The following ZRANB3 variants were observed in gnomAD, a reference collection of about 807,000 sequenced individuals.
ZRANB3 encodes zinc finger RANBP2-type containing 3, also known as DNA annealing helicase and endonuclease ZRANB3.
In ZRANB3, 125 loss-of-function variants were observed where a neutral mutation model predicts 133.8. That is an observed-to-expected ratio of 0.93 (90% confidence interval 0.81 to 1.08). ZRANB3 has a LOEUF of 1.08. ZRANB3 is among the 50% of genes least tolerant of loss of function. The pLI is 0.00. For synonymous variants in ZRANB3, 387 were observed against 432.7 expected (o/e 0.89, Z 1.31); for missense variants, 1,229 against 1,275.5 (o/e 0.96, Z 0.56).
intron 2 of ZRANB3, among the ~76,000 whole-genome samples, chr2:135,409,279 T>A (rs1688195224): frequency 6.6e-6 from 1 of 151,946 alleles, no homozygotes; most frequent in Non-Finnish European, 1.5e-5. Flanking sequence ...GATCCAAACA[T>A]CTCCCACCAG....
chr2:135,494,558 C>T (rs1224175401), intron 2 of ZRANB3, among the ~76,000 whole-genome samples: 2 of 152,112 alleles, frequency 1.3e-5, no homozygotes, highest in Non-Finnish European at 2.9e-5. Flanking sequence ...GTCATAATAT[C>T]TCATGTTAAT....
At chr2:135,335,832 C>T (rs1374338907) in intron 6 of ZRANB3, among the ~76,000 whole-genome samples, 2 of 152,094 alleles carry the variant, frequency 1.3e-5, no homozygotes, top group Non-Finnish European at 2.9e-5. Context: ...TATGTGTTCT[C>T]TTTTTCTATG....
chr2:135,263,365 G>A (rs917438778), intron 12 of ZRANB3, among the ~76,000 whole-genome samples: 2 of 152,094 alleles, frequency 1.3e-5, no homozygotes, highest in African/African-American at 4.8e-5. Context: ...CATTTTGGTT[G>A]TTTCCATTTT....
At chr2:135,256,786 A>G (rs1679676649) in intron 12 of ZRANB3, among the ~76,000 whole-genome samples, 1 of 152,236 alleles carries the variant, frequency 6.6e-6, no homozygotes. Context: ...AGGATGAGAC[A>G]GGAGCTTGGC....
intron 8 of ZRANB3, among the ~76,000 whole-genome samples, chr2:135,284,836 TTTTTC>T (rs368063446): frequency 2.9e-4 from 44 of 151,138 alleles, no homozygotes; most frequent in Admixed American, 3.9e-4. Context: ...ATTTCTTCTT[TTTTTC>T]TTTTCTTTTC....
At chr2:135,317,881 G>A (rs561448113) in intron 6 of ZRANB3, among the ~76,000 whole-genome samples, 4 of 152,170 alleles carry the variant, frequency 2.6e-5, no homozygotes, top group South Asian at 4.2e-4. Context: ...CTAGAGCTTC[G>A]AATGCTAGTG....
At chr2:135,226,459 T>C (rs926982591) in intron 14 of ZRANB3, among the ~76,000 whole-genome samples, 12 of 152,218 alleles carry the variant, frequency 7.9e-5, no homozygotes, top group African/African-American at 2.9e-4. Context: ...ATACCTCTTA[T>C]GTGGAATTCT....
chr2:135,440,401 T>TA lies in ZRANB3; in HGVS notation c.162-49582dup, dbSNP rs532839374. ...GCGACAGAGCAAGGAAGGCTCTGTC[T>TA]AAAAAAAAAAAAGCATATACAGATT... On this transcript the variant is annotated intron_variant, in intron 2 of 20. Transcript: ENST00000264159. Among the ~76,000 whole-genome samples, 455 of 140,694 alleles carry TA rather than the reference T, an allele frequency of 3.2e-3. 1 individual carries two copies. The highest frequency in any genetic ancestry group is 0.01 in the African/African-American group (385 of 38,354). The allele number at this position is 140,694 out of a possible 152,430, so 92.3% of individuals were successfully genotyped here. A position where few individuals can be genotyped will look rare whatever the true frequency, so the allele number is the denominator to read the frequency against.
At chr2:135,529,373 A>G in intron 1 of ZRANB3, among the ~76,000 whole-genome samples, 1 of 152,218 alleles carries the variant, frequency 6.6e-6, no homozygotes, top group South Asian at 2.1e-4. Context: ...AAGGAGGCAT[A>G]AATCAGGGCC....
chr2:135,484,262 C>T (rs1000834343), intron 2 of ZRANB3, among the ~76,000 whole-genome samples: 1 of 152,074 alleles, frequency 6.6e-6, no homozygotes. Context: ...CACTTTATGT[C>T]AGAACAATAG....
At position 135,302,528 on chromosome 2, in the gene ZRANB3, G is replaced by C. The variant is rs1029524470; in HGVS notation, c.966+10961C>G. On this transcript the variant is annotated intron_variant, in intron 8 of 20. Transcript: ENST00000264159. ...CGCTTCTGACTTCAAACCAGGGTTT[G>C]TTTTTTTTTTTTTTGAGATGGGAGT... Among the ~76,000 whole-genome samples the C allele has an allele frequency of 5.7e-5, 8 of 141,268 alleles. 1 individual carries two copies. The highest frequency in any genetic ancestry group is 5.6e-4 in the Admixed American group (8 of 14,222). The allele number at this position is 141,268 out of a possible 152,430, so 92.7% of individuals were successfully genotyped here.
chr2:135,236,084 G>C (rs1388482709), intron 12 of ZRANB3, among the ~76,000 whole-genome samples: 1 of 152,168 alleles, frequency 6.6e-6, no homozygotes, highest in Non-Finnish European at 1.5e-5. Context: ...GGCAACTTCA[G>C]CAAAGTCTCA....
chr2:135,503,870 T>C (rs1693056044), intron 2 of ZRANB3, among the ~76,000 whole-genome samples: 1 of 151,882 alleles, frequency 6.6e-6, no homozygotes, highest in Non-Finnish European at 1.5e-5. Flanking sequence ...TTCAGGAGGC[T>C]GATGTGGCAA....
chr2:135,518,593 T>A (rs1693794809), intron 1 of ZRANB3, among the ~76,000 whole-genome samples: 1 of 152,154 alleles, frequency 6.6e-6, no homozygotes, highest in Non-Finnish European at 1.5e-5. Flanking sequence ...GCACCCACTA[T>A]CTAACCAGTC....
At chr2:135,217,436 T>C (rs749712955) in intron 17 of ZRANB3, 29 bp downstream of exon 17, 2 of 1,567,736 alleles carry the variant, frequency 1.3e-6, no homozygotes, top group East Asian at 2.3e-5. Context: ...AGTAATATAA[T>C]ACAAAATTTA....
chr2:135,503,792 C>T (rs1423557346), intron 2 of ZRANB3, among the ~76,000 whole-genome samples: 1 of 151,722 alleles, frequency 6.6e-6, no homozygotes, highest in African/African-American at 2.4e-5. Context: ...AAAACCCATC[C>T]CTTAAAAAAA....
chr2:135,215,480 T>C (rs1280280833), intron 17 of ZRANB3, among the ~76,000 whole-genome samples: 1 of 151,972 alleles, frequency 6.6e-6, no homozygotes, highest in Admixed American at 6.6e-5. Context: ...TCTTCAGCTC[T>C]GGGCTCAAGC....
intron 6 of ZRANB3, among the ~76,000 whole-genome samples, chr2:135,323,194 C>T (rs1482238347): frequency 6.6e-6 from 1 of 152,068 alleles, no homozygotes; most frequent in Non-Finnish European, 1.5e-5. Flanking sequence ...TGCTTTCCAA[C>T]CACATAAGTT....
chr2:135,429,720 A>G (rs1294940487), intron 2 of ZRANB3, among the ~76,000 whole-genome samples: 1 of 152,164 alleles, frequency 6.6e-6, no homozygotes, highest in Non-Finnish European at 1.5e-5. Flanking sequence ...TACATACATT[A>G]TTTAGAGATA....
Sources: gnomAD v4.1 joint callset for allele counts (sites outside exome capture counted in the v4.1 genomes callset) on GRCh38, gnomAD v4.1.1 for gene constraint, MANE v1.5 for transcripts, NCBI Gene and HGNC (gene_info 2026-07-23, HGNC 2026-07-21) for gene names.